Variants in LHFPL6 observed in about 807,000 individuals in gnomAD.
The protein encoded by LHFPL6 is LHFPL tetraspan subfamily member 6 protein.
A neutral mutation model predicts 20.6 loss-of-function variants in LHFPL6; 9 were observed. The ratio of observed to expected loss-of-function variants is 0.44; its 90% CI spans 0.26 to 0.76. The LOEUF is 0.76. Among genes scored for constraint, LHFPL6 ranks in the 30% least tolerant of loss-of-function variants. The probability of loss-of-function intolerance (pLI) is 0.20; values close to 1 mark genes in which losing one functional copy is unlikely to be tolerated. For synonymous variants in LHFPL6, 105 were observed against 98.7 expected (o/e 1.06, Z -0.38); for missense variants, 218 against 253.5 (o/e 0.86, Z 0.95).
At chr13:39,457,213 A>G (rs779996732) in intron 2 of LHFPL6, among the ~76,000 whole-genome samples, 8 of 152,230 alleles carry the variant, frequency 5.3e-5, no homozygotes, top group Non-Finnish European at 1.2e-4. Context: ...CAAGCAACAT[A>G]CTAGGAGAAA....
At chr13:39,459,925 C>T (rs1047730774) in intron 2 of LHFPL6, among the ~76,000 whole-genome samples, 3 of 152,074 alleles carry the variant, frequency 2.0e-5, no homozygotes, top group Non-Finnish European at 4.4e-5. Flanking sequence ...CTGGTGTTGA[C>T]ATATTAGCAT....
intron 2 of LHFPL6, among the ~76,000 whole-genome samples, chr13:39,458,260 A>AAAAAC (rs10641389): frequency 0.02 from 3,034 of 152,208 alleles, 101 homozygotes; most frequent in African/African-American, 0.068. Context: ...CAGCTGACCA[A>AAAAAC]AAAACAAAAC....
intron 2 of LHFPL6, among the ~76,000 whole-genome samples, chr13:39,391,912 C>A (rs1418624927): frequency 6.6e-6 from 1 of 152,188 alleles, no homozygotes; most frequent in East Asian, 1.9e-4. Context: ...TGACAGACAG[C>A]AGTATGGAAG....
chr13:39,346,520 C>T (rs1869404320), intron 3 of LHFPL6, among the ~76,000 whole-genome samples: 1 of 151,954 alleles, frequency 6.6e-6, no homozygotes. Context: ...AGACTGAGGC[C>T]AGGGAAAGTT....
At chr13:39,593,412 G>A (rs938626190) in intron 2 of LHFPL6, among the ~76,000 whole-genome samples, 1 of 152,088 alleles carries the variant, frequency 6.6e-6, no homozygotes, top group Admixed American at 6.5e-5. Flanking sequence ...CACAAGGGAC[G>A]TGAAGGACCT....
intron 2 of LHFPL6, among the ~76,000 whole-genome samples, chr13:39,524,602 A>G (rs544871366): frequency 6.6e-6 from 1 of 152,332 alleles, no homozygotes; most frequent in Admixed American, 6.5e-5. Context: ...GGGAAGAGGT[A>G]TCCGGTCATT....
At chr13:39,542,013 C>T (rs1235055926) in intron 2 of LHFPL6, among the ~76,000 whole-genome samples, 1 of 151,634 alleles carries the variant, frequency 6.6e-6, no homozygotes, top group African/African-American at 2.4e-5. Flanking sequence ...ATGGCGTGAA[C>T]CCGGGAGGCA....
chr13:39,540,700 C>A (rs562747156), intron 2 of LHFPL6, among the ~76,000 whole-genome samples: 2 of 152,084 alleles, frequency 1.3e-5, no homozygotes, highest in South Asian at 4.1e-4. Context: ...TTCCATTGGA[C>A]AATACTTCCC....
rs113852554 is a variant in LHFPL6, at chr13:39,361,478, C to A, written c.484+16950G>T. 4.0e-4 allele frequency among the ~76,000 whole-genome samples: 61 copies of A among 152,162 alleles called. 1 individual carries two copies. The highest frequency in any genetic ancestry group is 3.4e-3 in the Middle Eastern group (1 of 294). On this transcript the variant is annotated intron_variant, in intron 3 of 3. Coordinates refer to ENST00000379589, the MANE Select transcript of LHFPL6 (RefSeq NM_005780.3). ...GACTACAGGTGCATGCCATGACACC[C>A]GGCTAATTTTTCTATTTTTAGTAGA...
rs1385798894 is a variant in LHFPL6, at chr13:39,550,518, AC to A, written c.385+50313del. 6.6e-5 allele frequency among the ~76,000 whole-genome samples: 10 copies of A among 152,144 alleles called. No homozygotes were observed. The East Asian group carries it at 1.9e-3, about 29-fold the overall frequency. Reference sequence around the variant, plus strand: ...ATTGGAGTGATAAGACTATTCACCAACCCTCCCCCACCAATACTGTATTAGT... The same window carrying A: ...ATTGGAGTGATAAGACTATTCACCAACCTCCCCCACCAATACTGTATTAGT... On this transcript the variant is annotated intron_variant, in intron 2 of 3. Coordinates refer to ENST00000379589, the MANE Select transcript of LHFPL6 (RefSeq NM_005780.3).
intron 2 of LHFPL6, among the ~76,000 whole-genome samples, chr13:39,441,137 ATTTTTTTT>A (rs57695621): frequency 0.036 from 3,327 of 91,520 alleles, 140 homozygotes; most frequent in African/African-American, 0.13. Flanking sequence ...ATGCCAACTA[ATTTTTTTT>A]TTTTTTTTTT....
intron 2 of LHFPL6, among the ~76,000 whole-genome samples, chr13:39,491,041 G>T (rs1011274257): frequency 6.6e-6 from 1 of 152,184 alleles, no homozygotes; most frequent in African/African-American, 2.4e-5. Flanking sequence ...ACTGCAAAGT[G>T]CCTCTAAGTT....
At chr13:39,519,097 G>A (rs544065307) in intron 2 of LHFPL6, among the ~76,000 whole-genome samples, 89 of 152,212 alleles carry the variant, frequency 5.8e-4, no homozygotes, top group African/African-American at 2.0e-3. Context: ...TTAGCAGGGC[G>A]TGGTGGTGAG....
At chr13:39,439,898 C>A (rs1872068694) in intron 2 of LHFPL6, among the ~76,000 whole-genome samples, 1 of 152,190 alleles carries the variant, frequency 6.6e-6, no homozygotes, top group Non-Finnish European at 1.5e-5. Context: ...TGTGAGTCAA[C>A]TAAACCTCTT....
intron 3 of LHFPL6, among the ~76,000 whole-genome samples, chr13:39,359,031 G>A (rs563150227): frequency 6.6e-4 from 99 of 150,970 alleles, no homozygotes; most frequent in African/African-American, 2.2e-3. Context: ...TCAGCAGGGC[G>A]GGCGCCTGTA....
intron 2 of LHFPL6, among the ~76,000 whole-genome samples, chr13:39,580,604 T>C (rs1206354986): frequency 6.6e-6 from 1 of 152,196 alleles, no homozygotes; most frequent in African/African-American, 2.4e-5. Context: ...CCCCAATATC[T>C]AGAATGTTTC....
At chr13:39,410,917 C>T (rs549328334) in intron 2 of LHFPL6, among the ~76,000 whole-genome samples, 26 of 152,290 alleles carry the variant, frequency 1.7e-4, no homozygotes, top group Admixed American at 3.9e-4. Flanking sequence ...GCTTGGCTTA[C>T]GGACAACATT....
In LHFPL6 at chr13:39,403,022, C is replaced by T. The variant is rs115874303; in HGVS notation, c.386-24496G>A. ...ATTACTGAAAAAGCACCAAAGGGTC[C>T]TCGAAGGAATTCCCTCAACGGGACA... On this transcript the variant is annotated intron_variant, in intron 2 of 3. Coordinates refer to ENST00000379589, the MANE Select transcript of LHFPL6 (RefSeq NM_005780.3). 2.4e-3 allele frequency among the ~76,000 whole-genome samples: 370 copies of T among 152,294 alleles called. 1 individual carries two copies. The highest frequency in any genetic ancestry group is 7.7e-3 in the African/African-American group (322 of 41,554).
intron 2 of LHFPL6, among the ~76,000 whole-genome samples, chr13:39,573,467 CAAT>C (rs1281948329): frequency 6.6e-6 from 1 of 151,890 alleles, no homozygotes; most frequent in African/African-American, 2.4e-5. Flanking sequence ...TTTAATAGAA[CAAT>C]AATCATCAAA....
Sources: gnomAD v4.1 joint callset for allele counts (sites outside exome capture counted in the v4.1 genomes callset) on GRCh38, gnomAD v4.1.1 for gene constraint, MANE v1.5 for transcripts, NCBI Gene and HGNC (gene_info 2026-07-23, HGNC 2026-07-21) for gene names.